Variants in GOLPH3 observed in about 807,000 individuals in gnomAD.
GOLPH3 encodes the protein golgi phosphoprotein 3, also known as coat protein GPP34.
GOLPH3 carries 14 observed loss-of-function variants against 28.5 expected under a neutral mutation model. That is an observed-to-expected ratio of 0.49 (90% CI 0.32 to 0.77). GOLPH3 has a LOEUF of 0.77. GOLPH3 is among the 30% of genes least tolerant of loss of function. The pLI is 0.03. For missense variants in GOLPH3, 350 were observed against 393.7 expected (o/e 0.89, Z 0.94); for synonymous variants, 158 against 159.2 (o/e 0.99, Z 0.06).
chr5:32,129,898 G>T (rs1439571820), intron 3 of GOLPH3, among the ~76,000 whole-genome samples: 1 of 151,952 alleles, frequency 6.6e-6, no homozygotes, highest in Non-Finnish European at 1.5e-5. Context: ...CTGGAGTGCG[G>T]TGGTGTGATC....
chr5:32,144,070 CA>C lies in GOLPH3; in HGVS notation c.226-191del, dbSNP rs555167670. On this transcript the variant is annotated intron_variant, in intron 1 of 3. Coordinates refer to ENST00000265070, the MANE Select transcript of GOLPH3 (RefSeq NM_022130.4). ...GAGAATTTTCGGGGGCTTATCTTTCCACCACTTATTCTTACATACAAACAAC... is the reference window on the plus strand; with the variant it reads ...GAGAATTTTCGGGGGCTTATCTTTCCCCACTTATTCTTACATACAAACAAC... 3.0e-3 allele frequency among the ~76,000 whole-genome samples: 454 copies of C among 152,214 alleles called. 2 individuals carry two copies. Among genetic ancestry groups the C allele is most frequent in the African/African-American group, 0.011 (444 of 41,512 alleles).
At chr5:32,144,044 C>A (rs534368643) in intron 1 of GOLPH3, among the ~76,000 whole-genome samples, 164 bp from the exon 2 acceptor site, 2 of 152,058 alleles carry the variant, frequency 1.3e-5, no homozygotes, top group East Asian at 1.9e-4. Flanking sequence ...AATTACTAAT[C>A]GAGAATTTTC....
At chr5:32,128,478 T>C (rs1745745715) in intron 3 of GOLPH3, among the ~76,000 whole-genome samples, 1 of 151,936 alleles carries the variant, frequency 6.6e-6, no homozygotes, top group African/African-American at 2.4e-5. Flanking sequence ...GCCAACATGG[T>C]GAAACCCCAT....
At chr5:32,148,540 G>A (rs1456770626) in intron 1 of GOLPH3, among the ~76,000 whole-genome samples, 2 of 152,356 alleles carry the variant, frequency 1.3e-5, no homozygotes, top group South Asian at 2.1e-4. Context: ...GCTCACGCCT[G>A]TAATCCCAGC....
Position 32,127,588 on chromosome 5 carries a change from T to C in GOLPH3, c.473-952A>G, listed in dbSNP as rs138267996. 5.2e-3 allele frequency among the ~76,000 whole-genome samples: 785 copies of C among 152,322 alleles called. 2 individuals are homozygous for C. Among genetic ancestry groups the C allele is most frequent in the Non-Finnish European group, 8.4e-3 (571 of 68,036 alleles). ...AGTGGCACTAGCCACATTTCACGTA[T>C]ACAATAGTGACGTATGGCCAGTGGC... On this transcript the variant is annotated intron_variant, in intron 3 of 3. Transcript: ENST00000265070.
chr5:32,174,018 TG>T lies in GOLPH3; in HGVS notation c.16del (p.Gln6SerfsTer55). 7.7e-7 allele frequency: 1 copy of T among 1,303,474 alleles called. No individual in the cohort carries two copies. The highest frequency in any genetic ancestry group is 2.5e-5 in the South Asian group (1 of 40,484). 80.7% of individuals were successfully genotyped at this position (1,303,474 alleles called of 1,614,324 possible). On this transcript the variant is annotated frameshift_variant, in exon 1 of 4. Coordinates refer to ENST00000265070, the MANE Select transcript of GOLPH3 (RefSeq NM_022130.4). LOFTEE classifies it high-confidence loss of function. MTSLT[Q>X]RSSGLVQRRT... ...CCGCTGCACCAGGCCGGAGCTGCGC[TG>T]GGTCAGCGAGGTCATGGCTCCCGCC...
chr5:32,131,249 T>C (rs542687827), intron 3 of GOLPH3, among the ~76,000 whole-genome samples: 1 of 152,328 alleles, frequency 6.6e-6, no homozygotes, highest in East Asian at 1.9e-4. Flanking sequence ...TTTAATAGTA[T>C]TTGTGGTATA....
At chr5:32,163,897 C>T (rs1746648978) in intron 1 of GOLPH3, among the ~76,000 whole-genome samples, 2 of 152,040 alleles carry the variant, frequency 1.3e-5, no homozygotes, top group South Asian at 2.1e-4. Flanking sequence ...TTTGTTAATA[C>T]GGTATAAACT....
intron 2 of GOLPH3, among the ~76,000 whole-genome samples, chr5:32,142,793 T>C (rs1746105897): frequency 1.4e-5 from 2 of 144,808 alleles, no homozygotes; most frequent in Admixed American, 6.8e-5. Context: ...GGAGCCCCTC[T>C]GTCCGGCCAG....
At chr5:32,164,397 T>A (rs1746658346) in intron 1 of GOLPH3, among the ~76,000 whole-genome samples, 2 of 151,052 alleles carry the variant, frequency 1.3e-5, no homozygotes. Flanking sequence ...GGAGTAAGAT[T>A]CTTTTTTTTT....
chr5:32,142,418 G>T (rs1263391808), intron 2 of GOLPH3, among the ~76,000 whole-genome samples: 1 of 149,028 alleles, frequency 6.7e-6, no homozygotes, highest in South Asian at 2.1e-4. Flanking sequence ...CAGCCACCCC[G>T]TCCGGGAAGT....
intron 3 of GOLPH3, among the ~76,000 whole-genome samples, chr5:32,130,971 T>C (rs1447008859): frequency 1.3e-5 from 2 of 152,340 alleles, no homozygotes; most frequent in African/African-American, 4.8e-5. Context: ...TACTAAAAAT[T>C]AGAAGAGCCT....
At chr5:32,171,491 T>G (rs1366235358) in intron 1 of GOLPH3, among the ~76,000 whole-genome samples, 4 of 150,692 alleles carry the variant, frequency 2.7e-5, no homozygotes, top group Non-Finnish European at 5.9e-5. Context: ...ATTTTTTAGT[T>G]TTTTTTTTTT....
chr5:32,126,855 C>T (rs161536), intron 3 of GOLPH3, among the ~76,000 whole-genome samples: 4,932 of 152,236 alleles, frequency 0.032, 279 homozygotes, highest in African/African-American at 0.11. Flanking sequence ...GTCACTCAGA[C>T]GACTAAACTG....
chr5:32,147,307 A>G (rs1746199478), intron 1 of GOLPH3, among the ~76,000 whole-genome samples: 1 of 152,214 alleles, frequency 6.6e-6, no homozygotes, highest in Non-Finnish European at 1.5e-5. Context: ...TACTTTTAAC[A>G]GCCTACAGAA....
chr5:32,155,963 A>C (rs1361423832), intron 1 of GOLPH3, among the ~76,000 whole-genome samples: 2 of 27,072 alleles, frequency 7.4e-5, no homozygotes, highest in Non-Finnish European at 1.4e-4. Context: ...TCTCAAAAAA[A>C]AAAAAAAAAA....
intron 3 of GOLPH3, 102 bp downstream of exon 3, chr5:32,135,470 A>C: frequency 2.8e-6 from 2 of 710,748 alleles, no homozygotes; most frequent in South Asian, 1.8e-5. Flanking sequence ...CTAAATAACT[A>C]AACAAGCTTC....
chr5:32,149,412 T>C (rs918686998), intron 1 of GOLPH3, among the ~76,000 whole-genome samples: 2 of 152,158 alleles, frequency 1.3e-5, no homozygotes, highest in East Asian at 3.8e-4. Context: ...TTGGAAGTGA[T>C]AAAAATATTC....
At chr5:32,162,487 G>A (rs1206276347) in intron 1 of GOLPH3, among the ~76,000 whole-genome samples, 11 of 148,724 alleles carry the variant, frequency 7.4e-5, no homozygotes, top group Admixed American at 2.7e-4. Context: ...GCAAGACTCC[G>A]TCTCAAAAAA....
Sources: allele counts gnomAD v4.1 joint callset (sites outside exome capture counted in the v4.1 genomes callset), GRCh38; gene constraint gnomAD v4.1.1; transcripts MANE v1.5; gene names NCBI Gene and HGNC (gene_info 2026-07-23, HGNC 2026-07-21).